PCBP2: variants seen among roughly 807,000 people sequenced by gnomAD.
The protein encoded by PCBP2 is poly(rC) binding protein 2.
A neutral mutation model predicts 50.1 loss-of-function variants in PCBP2; 4 were observed. That is an observed-to-expected ratio of 0.08 (90% CI 0.04 to 0.18). The LOEUF is 0.18. Ranked by LOEUF, PCBP2 falls within the 10% of genes least tolerant of loss-of-function variation. The pLI, the probability that PCBP2 is intolerant of heterozygous loss-of-function variation, is 1.00. For synonymous variants in PCBP2, 179 were observed against 168.0 expected (o/e 1.07, Z -0.51); for missense variants, 161 against 474.3 (o/e 0.34, Z 6.14).
At chr12:53,455,747 G>A (rs1275434736) in intron 4 of PCBP2, 138 bp from the exon 5 acceptor site, 8 of 716,710 alleles carry the variant, frequency 1.1e-5, no homozygotes, top group Non-Finnish European at 1.7e-5. Context: ...TAGTCATGGA[G>A]CAGTAGTGTT....
In PCBP2 at chr12:53,468,086, C is replaced by G. The variant is rs932846398; in HGVS notation, c.826+243C>G. On this transcript the variant is annotated intron_variant, in intron 12 of 14. Transcript: ENST00000546463. ...AGGACTAAGCTTGAGTGTTAGCCAGCTGGCCTGGTTCAGTCCAGGTGTTGT... is the reference window on the plus strand; with the variant it reads ...AGGACTAAGCTTGAGTGTTAGCCAGGTGGCCTGGTTCAGTCCAGGTGTTGT... 6 of 499,912 alleles carry G rather than the reference C, an allele frequency of 1.2e-5. No individual in the cohort carries two copies. The Admixed American group carries it at 1.3e-4, about 11-fold the overall frequency. The allele number at this position is 499,912 out of a possible 1,614,324, so 31.0% of individuals were successfully genotyped here. A position where few individuals can be genotyped will look rare whatever the true frequency, so the allele number is the denominator to read the frequency against.
intron 1 of PCBP2, 29 bp from the exon 2 acceptor site, chr12:53,454,697 C>T (rs1940859144): frequency 1.3e-6 from 1 of 774,832 alleles, no homozygotes; most frequent in Non-Finnish European, 2.3e-6. Context: ...TGTTTTCCTC[C>T]TCTGATTTTG....
rs1341601269 is a variant in PCBP2, at chr12:53,464,787, G to A, written c.607G>A (p.Ala203Thr). 4 of 1,611,972 alleles carry A rather than the reference G, an allele frequency of 2.5e-6. No homozygotes were observed. The highest frequency in any genetic ancestry group is 3.4e-6 in the Non-Finnish European group (4 of 1,179,070). Reference protein sequence around the residue: ...QDRYSTGSDSASFPHTTPSMC... With the variant: ...QDRYSTGSDSTSFPHTTPSMC... ...CAGGTACAGCACAGGCAGCGACAGTGCGAGCTTTCCCCACACCACCCCGTC... is the reference window on the plus strand; with the variant it reads ...CAGGTACAGCACAGGCAGCGACAGTACGAGCTTTCCCCACACCACCCCGTC... Residue 203 changes from alanine to threonine, a missense_variant, in exon 9 of 15, where the codon GCG becomes ACG. Coordinates refer to ENST00000546463, the MANE Select transcript of PCBP2 (RefSeq NM_031989.5).
chr12:53,467,689 G>C, intron 11 of PCBP2, 116 bp from the exon 12 acceptor site: 1 of 844,902 alleles, frequency 1.2e-6, no homozygotes, highest in South Asian at 1.5e-5. Flanking sequence ...TGTTTTTTTT[G>C]TTTTTGTTTT....
At chr12:53,478,981 G>C (rs1297174225) in intron 14 of PCBP2, among the ~76,000 whole-genome samples, 1 of 152,000 alleles carries the variant, frequency 6.6e-6, no homozygotes, top group Non-Finnish European at 1.5e-5. Context: ...AAACCCTTGA[G>C]ACTACTCTCA....
rs149479264 is a variant in PCBP2, at chr12:53,469,684, G to T, written c.882+852G>T. 7.8e-4 allele frequency among the ~76,000 whole-genome samples: 119 copies of T among 151,768 alleles called. 2 individuals carry two copies. In the East Asian group the frequency reaches 0.021, roughly 26 times the overall value. On this transcript the variant is annotated intron_variant, in intron 13 of 14. Coordinates refer to ENST00000546463, the MANE Select transcript of PCBP2 (RefSeq NM_031989.5). Reference sequence around the variant, plus strand: ...GGAGGTTGTGGTGAGCCGAGATCGCGCCATCGCACTCCAGCCTGGGCAACA... The same window carrying T: ...GGAGGTTGTGGTGAGCCGAGATCGCTCCATCGCACTCCAGCCTGGGCAACA...
intron 14 of PCBP2, among the ~76,000 whole-genome samples, chr12:53,478,246 A>C (rs1051366440): frequency 7.2e-5 from 11 of 152,228 alleles, no homozygotes; most frequent in African/African-American, 2.4e-4. Context: ...GTGGTGGCTC[A>C]TGCCTAATCC....
chr12:53,478,183 G>T, intron 14 of PCBP2, among the ~76,000 whole-genome samples: 1 of 152,144 alleles, frequency 6.6e-6, no homozygotes, highest in South Asian at 2.1e-4. Context: ...AAATTATTTT[G>T]TCTGCTACTT....
intron 8 of PCBP2, chr12:53,464,330 C>T (rs577686453): frequency 3.3e-5 from 5 of 150,900 alleles, no homozygotes; most frequent in Non-Finnish European, 5.9e-5. Context: ...CCCTCCCTCC[C>T]CTTTATTTAG....
In PCBP2 at chr12:53,480,566, C is replaced by G. The variant is rs906265908; in HGVS notation, c.*1124C>G. ...TAGGACAGTCCCCACCCCAATCAGG[C>G]ACCAGGATAAAAGCAGGGACTTAAA... On this transcript the variant is annotated 3_prime_UTR_variant, in exon 15 of 15. Transcript: ENST00000546463. 5.9e-5 allele frequency: 9 copies of G among 152,624 alleles called. No individual in the cohort carries two copies. The highest frequency in any genetic ancestry group is 1.7e-4 in the African/African-American group (7 of 41,406). The allele number at this position is 152,624 out of a possible 1,614,324, so 9.5% of individuals were successfully genotyped here.
At chr12:53,479,346 A>T in intron 14 of PCBP2, 60 bp from the exon 15 acceptor site, 1 of 1,405,772 alleles carries the variant, frequency 7.1e-7, no homozygotes, top group Non-Finnish European at 1.0e-6. Context: ...TGAACCAGGT[A>T]GAGATGAGGT....
At chr12:53,461,622 T>C (rs1941454339) in intron 7 of PCBP2, among the ~76,000 whole-genome samples, 1 of 152,216 alleles carries the variant, frequency 6.6e-6, no homozygotes, top group Admixed American at 6.5e-5. Context: ...ACTATTATTC[T>C]ATTAAAAGAA....
rs1337840817 is a variant in PCBP2 at position 53,465,934 on chromosome 12, C to T, written c.675C>T (p.Ala225=). Residue 225 remains alanine, a splice_region_variant and synonymous_variant, in exon 10 of 15, where the codon GCC becomes GCT. Coordinates refer to ENST00000546463, the MANE Select transcript of PCBP2 (RefSeq NM_031989.5). Reference sequence around the variant, plus strand: ...GAACTGTTTTCCTCCTTTTGTAGGCCTATACCATTCAAGGACAGTATGCCA... The same window carrying T: ...GAACTGTTTTCCTCCTTTTGTAGGCTTATACCATTCAAGGACAGTATGCCA... ...NPDLEGPPLE[A]YTIQGQYAIP... 6 of 1,612,882 alleles carry T rather than the reference C, an allele frequency of 3.7e-6. No individual in the cohort carries two copies. The Admixed American group carries it at 5.0e-5, about 13-fold the overall frequency.
intron 14 of PCBP2, among the ~76,000 whole-genome samples, chr12:53,479,033 T>A (rs986477829): frequency 6.6e-6 from 1 of 152,130 alleles, no homozygotes; most frequent in African/African-American, 2.4e-5. Context: ...GTCAGCAGTT[T>A]GGGAGGAGCC....
intron 11 of PCBP2, 118 bp from the exon 12 acceptor site, chr12:53,467,687 T>G (rs1941915805): frequency 2.4e-6 from 2 of 834,062 alleles, no homozygotes; most frequent in Non-Finnish European, 4.0e-6. Context: ...AGTGTTTTTT[T>G]TGTTTTTGTT....
At chr12:53,457,671 TGAAA>T (rs1258369990) in intron 5 of PCBP2, among the ~76,000 whole-genome samples, 2 of 152,054 alleles carry the variant, frequency 1.3e-5, no homozygotes, top group Non-Finnish European at 2.9e-5. Flanking sequence ...TTTATTTTTT[TGAAA>T]GAAAGCTAGA....
chr12:53,453,569 G>A (rs1397102270), intron 1 of PCBP2, among the ~76,000 whole-genome samples: 1 of 152,224 alleles, frequency 6.6e-6, no homozygotes, highest in Non-Finnish European at 1.5e-5. Context: ...TAGGGTATGG[G>A]CTTTGTGTTA....
intron 5 of PCBP2, among the ~76,000 whole-genome samples, chr12:53,457,464 G>A (rs1443488447): frequency 1.3e-5 from 2 of 152,022 alleles, no homozygotes; most frequent in Non-Finnish European, 2.9e-5. Flanking sequence ...TCCCACCTAA[G>A]CCTACCCAGT....
chr12:53,456,380 C>T (rs1208182338), intron 5 of PCBP2, among the ~76,000 whole-genome samples: 1 of 151,942 alleles, frequency 6.6e-6, no homozygotes, highest in African/African-American at 2.4e-5. Context: ...AACGCTTGAA[C>T]CCGGGAGGCG....
Sources: gnomAD v4.1 joint callset for allele counts (sites outside exome capture counted in the v4.1 genomes callset) on GRCh38, gnomAD v4.1.1 for gene constraint, MANE v1.5 for transcripts, NCBI Gene and HGNC (gene_info 2026-07-23, HGNC 2026-07-21) for gene names.